The following CEP83 variants were observed in gnomAD, a reference collection of about 807,000 sequenced individuals.
The protein encoded by CEP83 is centrosomal protein of 83 kDa.
CEP83 carries 70 observed loss-of-function variants against 101.9 expected under a neutral mutation model. That is an observed-to-expected ratio of 0.69 (90% CI 0.57 to 0.84). The LOEUF is 0.84. Among genes scored for constraint, CEP83 ranks in the 40% least tolerant of loss-of-function variants. The pLI is 0.00. For missense variants in CEP83, 715 were observed against 787.2 expected, an observed-to-expected ratio of 0.91 and a Z score of 1.10; for synonymous variants, 264 against 267.9, an observed-to-expected ratio of 0.99 and a Z score of 0.14.
chr12:94,389,557 G>A (rs898996225), intron 6 of CEP83, among the ~76,000 whole-genome samples: 4 of 152,182 alleles, frequency 2.6e-5, no homozygotes, highest in Non-Finnish European at 5.9e-5. Flanking sequence ...TGTGATGGAC[G>A]CAGAAGATGG....
intron 2 of CEP83, chr12:94,424,299 T>C: frequency 6.2e-7 from 1 of 1,614,184 alleles, no homozygotes; most frequent in South Asian, 1.1e-5. Flanking sequence ...TTCTGTCGTT[T>C]CTTTGGCCCG....
At chr12:94,279,903 T>C in the CEP83 span, 1 of 622,762 alleles carries the variant, frequency 1.6e-6, no homozygotes, top group Non-Finnish European at 3.0e-6. Flanking sequence ...ATTACGTCTG[T>C]AAATCAGATT....
chr12:94,345,151 T>G (rs1356813669), intron 11 of CEP83, among the ~76,000 whole-genome samples: 1 of 152,152 alleles, frequency 6.6e-6, no homozygotes, highest in Admixed American at 6.5e-5. Flanking sequence ...AACCTAAAGG[T>G]AAAAACCAAA....
At chr12:94,291,879 C>T in the CEP83 span, among the ~76,000 whole-genome samples, 5 of 152,284 alleles carry the variant, frequency 3.3e-5, no homozygotes, top group East Asian at 9.7e-4. Flanking sequence ...TAGTACCCAA[C>T]AGGAACTTTT....
At chr12:94,360,430 T>TA (rs71435713) in intron 11 of CEP83, among the ~76,000 whole-genome samples, 5,578 of 152,010 alleles carry the variant, frequency 0.037, 150 homozygotes, top group Middle Eastern at 0.085. Context: ...AGTTTCAGGA[T>TA]AAAAAAACTC....
At chr12:94,347,276 C>T (rs962933927) in intron 11 of CEP83, among the ~76,000 whole-genome samples, 1 of 151,942 alleles carries the variant, frequency 6.6e-6, no homozygotes, top group African/African-American at 2.4e-5. Flanking sequence ...AGAAACTTCA[C>T]AAAAGTAGCT....
intron 11 of CEP83, among the ~76,000 whole-genome samples, chr12:94,341,222 A>G (rs1486009131): frequency 6.6e-6 from 1 of 152,176 alleles, no homozygotes; most frequent in East Asian, 1.9e-4. Context: ...AAACACTTTC[A>G]TCAAAAGAAA....
the CEP83 span, among the ~76,000 whole-genome samples, chr12:94,268,114 A>T: frequency 6.6e-6 from 1 of 152,184 alleles, no homozygotes; most frequent in African/African-American, 2.4e-5. Context: ...ACGTTTGGAA[A>T]AAAGGCCCCC....
chr12:94,424,420 C>T, intron 2 of CEP83: 1 of 1,614,054 alleles, frequency 6.2e-7, no homozygotes, highest in Non-Finnish European at 8.5e-7. Context: ...TCTCTGTGGA[C>T]TCCATCCTTG....
the CEP83 span, among the ~76,000 whole-genome samples, chr12:94,291,526 C>T: frequency 1.2e-4 from 18 of 152,156 alleles, no homozygotes; most frequent in Non-Finnish European, 2.5e-4. Context: ...CCACTGTGTC[C>T]AGCCAAAATA....
intron 14 of CEP83, among the ~76,000 whole-genome samples, chr12:94,318,032 T>C (rs1482614771): frequency 6.6e-6 from 1 of 152,214 alleles, no homozygotes; most frequent in Non-Finnish European, 1.5e-5. Context: ...ATTTTAATGA[T>C]ATTGATTCTT....
At chr12:94,382,046 G>C (rs985131678) in intron 6 of CEP83, among the ~76,000 whole-genome samples, 3 of 151,930 alleles carry the variant, frequency 2.0e-5, no homozygotes, top group African/African-American at 7.2e-5. Context: ...AACAGTAATA[G>C]GTCTATACAA....
chr12:94,331,692 C>T lies in CEP83; in HGVS notation c.1707+8G>A, dbSNP rs370955378. ...TGGCCAGAGATCACTTTAATAAGAA[C>T]CACTTGCCTTTTTCTGGGCAATTGC... is the stretch of plus-strand genomic sequence containing the variant. On this transcript the variant is annotated splice_region_variant and intron_variant, in intron 14 of 16. Coordinates refer to ENST00000397809, the MANE Select transcript of CEP83 (RefSeq NM_016122.3). 2.2e-5 allele frequency: 35 copies of T among 1,612,982 alleles called. No individual in the cohort carries two copies. In the African/African-American group the frequency reaches 2.5e-4, roughly 12 times the overall value.
chr12:94,376,851 T>G (rs978095465), intron 7 of CEP83, among the ~76,000 whole-genome samples: 2 of 151,876 alleles, frequency 1.3e-5, no homozygotes, highest in Admixed American at 1.3e-4. Flanking sequence ...ACAATTCTCC[T>G]GCCTCAGCCT....
intron 11 of CEP83, among the ~76,000 whole-genome samples, chr12:94,366,942 C>CA (rs1352748200): frequency 3.3e-5 from 5 of 150,752 alleles, no homozygotes; most frequent in East Asian, 3.9e-4. Flanking sequence ...AGTTAAGCAA[C>CA]AAAAAAAATA....
At chr12:94,425,722 C>T (rs527895804) in intron 2 of CEP83, among the ~76,000 whole-genome samples, 2 of 152,174 alleles carry the variant, frequency 1.3e-5, no homozygotes, top group East Asian at 3.9e-4. Context: ...TGTTCACAGA[C>T]CGTCTTAATC....
intron 2 of CEP83, among the ~76,000 whole-genome samples, chr12:94,422,725 T>C (rs376237938): frequency 6.6e-6 from 1 of 152,266 alleles, no homozygotes; most frequent in Non-Finnish European, 1.5e-5. Context: ...CTCTCATGTA[T>C]TTGCCTTGTT....
At chr12:94,383,731 G>T (rs2061978899) in intron 6 of CEP83, among the ~76,000 whole-genome samples, 1 of 151,840 alleles carries the variant, frequency 6.6e-6, no homozygotes, top group African/African-American at 2.4e-5. Context: ...CATATTTCAG[G>T]ATTCCATTTT....
intron 14 of CEP83, 41 bp from the exon 15 acceptor site, chr12:94,313,058 T>G (rs530299116): frequency 1.1e-6 from 1 of 884,054 alleles, no homozygotes; most frequent in South Asian, 1.6e-5. Flanking sequence ...ATACATAATC[T>G]CTTATTTGAA....
Sources: gnomAD v4.1 joint callset for allele counts (sites outside exome capture counted in the v4.1 genomes callset) on GRCh38, gnomAD v4.1.1 for gene constraint, MANE v1.5 for transcripts, NCBI Gene and HGNC (gene_info 2026-07-23, HGNC 2026-07-21) for gene names.